SYT12: variants seen among roughly 807,000 people sequenced by gnomAD.
The protein encoded by SYT12 is synaptotagmin-12.
SYT12 carries 27 observed loss-of-function variants against 39.5 expected under a neutral mutation model. The ratio of observed to expected loss-of-function variants is 0.68; its 90% CI spans 0.50 to 0.94. The LOEUF is 0.94. Among genes scored for constraint, SYT12 ranks in the 40% least tolerant of loss-of-function variants. The probability of loss-of-function intolerance (pLI) is 0.00; values close to 1 mark genes in which losing one functional copy is unlikely to be tolerated. For missense variants in SYT12, 536 were observed against 572.6 expected (o/e 0.94, Z 0.65); for synonymous variants, 233 against 239.7 (o/e 0.97, Z 0.26).
chr11:67,010,228 T>C (rs1167244732), intron 2 of SYT12: 2 of 152,396 alleles, frequency 1.3e-5, no homozygotes, highest in Non-Finnish European at 2.9e-5. Context: ...AACTGAGTCC[T>C]AGGGATTACC....
chr11:67,035,671 A>G (rs555875199), intron 3 of SYT12, among the ~76,000 whole-genome samples: 3 of 150,514 alleles, frequency 2.0e-5, no homozygotes, highest in African/African-American at 7.3e-5. Context: ...GTTAGCCAGG[A>G]TGGTCTCGAT....
rs1336054862 is a variant in SYT12, at chr11:67,044,612, A to T, written c.857A>T (p.Glu286Val). ...DQNKAADAVG[E>V]ILLSLSYLPT... ...CCCCAGGCCGCCGATGCTGTGGGGG[A>T]GATCCTGCTCTCCCTCAGCTACCTC... is the stretch of plus-strand genomic sequence containing the variant. The change falls in exon 6 of 8, where the codon GAG (glutamate) becomes GTG (valine). Residue 286 changes from glutamate to valine, a missense_variant. Transcript: ENST00000527043. 6.8e-6 allele frequency: 11 copies of T among 1,612,686 alleles called. No individual in the cohort carries two copies. Among genetic ancestry groups the T allele is most frequent in the Non-Finnish European group, 8.5e-7 (1 of 1,179,744 alleles).
At position 67,040,042 on chromosome 11, in the gene SYT12, G is replaced by A; in HGVS notation, c.460G>A (p.Gly154Ser). 6.2e-7 allele frequency: 1 copy of A among 1,613,972 alleles called. No homozygotes were observed. The highest frequency in any genetic ancestry group is 8.5e-7 in the Non-Finnish European group (1 of 1,180,024). ...CACCTTTGGGCAGGACTTCACACTGGGCCAGGTGGAGGTGAGCATGGAGTA... is the reference window on the plus strand; with the variant it reads ...CACCTTTGGGCAGGACTTCACACTGAGCCAGGTGGAGGTGAGCATGGAGTA... ...SNTFGQDFTL[G>S]QVEVSMEYDT... Residue 154 changes from glycine (G) to serine (S), a missense_variant, in exon 4 of 8, where the codon GGC (glycine) becomes AGC (serine). Physicochemically the swap from Gly to Ser is moderately conservative, Grantham distance 56. Coordinates refer to ENST00000527043, the MANE Select transcript of SYT12 (RefSeq NM_177963.4).
chr11:67,045,063 G>C (rs1174898083), intron 6 of SYT12, among the ~76,000 whole-genome samples: 1 of 152,062 alleles, frequency 6.6e-6, no homozygotes, highest in Admixed American at 6.6e-5. Flanking sequence ...GGAATTCATG[G>C]TGGAGACTCC....
chr11:67,012,638 G>T (rs138400202), intron 3 of SYT12, among the ~76,000 whole-genome samples: 60 of 152,304 alleles, frequency 3.9e-4, no homozygotes, highest in African/African-American at 1.4e-3. Flanking sequence ...CGAGGCAAAA[G>T]AACCTTGAAG....
intron 2 of SYT12, among the ~76,000 whole-genome samples, chr11:67,033,096 G>A (rs1287641309): frequency 6.6e-5 from 10 of 152,040 alleles, no homozygotes; most frequent in Admixed American, 3.3e-4. Flanking sequence ...CTGTGTGGCC[G>A]GGCTTCAGGG....
chr11:67,034,565 T>G (rs1437672214), intron 2 of SYT12, 80 bp from the exon 3 acceptor site: 1 of 1,296,678 alleles, frequency 7.7e-7, no homozygotes, highest in Non-Finnish European at 1.1e-6. Flanking sequence ...ATCCATTCAA[T>G]GTAGAAGTCG....
chr11:67,007,955 C>CT lies in SYT12; in HGVS notation c.-485+516dup, dbSNP rs747885357. On this transcript the variant is annotated intron_variant, in intron 1 of 10. Transcript: ENST00000393946. ...CTTCCTGATCCTGAGGAAGCCCTAA[C>CT]TTTTTTTTTTTTTTTTAAGACAGAG... 3.4e-3 allele frequency among the ~76,000 whole-genome samples: 463 copies of CT among 137,044 alleles called. 6 individuals carry two copies. In the East Asian group the frequency reaches 0.036, roughly 11 times the overall value. 89.9% of individuals were successfully genotyped at this position (137,044 alleles called of 152,430 possible). A position where few individuals can be genotyped will look rare whatever the true frequency, so the allele number is the denominator to read the frequency against.
Position 67,034,844 on chromosome 11 carries a change from G to T in SYT12, c.228+6G>T. ...GCGCAGAGGCCAGGGAGAAGGTGAGGCTTCTGCTCCTGCAGGTGCACAGCG... is the reference window on the plus strand; with the variant it reads ...GCGCAGAGGCCAGGGAGAAGGTGAGTCTTCTGCTCCTGCAGGTGCACAGCG... On this transcript the variant is annotated splice_donor_region_variant and intron_variant, in intron 3 of 7. Coordinates refer to ENST00000527043, the MANE Select transcript of SYT12 (RefSeq NM_177963.4). 7 of 1,526,424 alleles carry T rather than the reference G, an allele frequency of 4.6e-6. No individual in the cohort carries two copies. The highest frequency in any genetic ancestry group is 6.1e-6 in the Non-Finnish European group (7 of 1,141,920). The allele number at this position is 1,526,424 out of a possible 1,614,324, so 94.6% of individuals were successfully genotyped here.
chr11:67,046,083 G>T (rs1261037378), intron 7 of SYT12, among the ~76,000 whole-genome samples: 2 of 151,920 alleles, frequency 1.3e-5, no homozygotes, highest in Non-Finnish European at 2.9e-5. Flanking sequence ...GCTCACAAGG[G>T]ACAGGCAGGA....
At chr11:67,032,307 G>T (rs1443265905) in intron 2 of SYT12, 2 of 152,168 alleles carry the variant, frequency 1.3e-5, no homozygotes, top group African/African-American at 2.4e-5. Context: ...TGGCCCCCTC[G>T]GTGGGACCTT....
chr11:67,047,226 A>G (rs1463655176), intron 7 of SYT12, among the ~76,000 whole-genome samples: 2 of 151,428 alleles, frequency 1.3e-5, no homozygotes, highest in African/African-American at 4.9e-5. Context: ...CGGCCTTCCA[A>G]AGTGCTGGGA....
intron 7 of SYT12, among the ~76,000 whole-genome samples, chr11:67,047,381 C>T (rs2136235642): frequency 6.7e-6 from 1 of 150,248 alleles, no homozygotes; most frequent in Admixed American, 6.7e-5. Context: ...GATTCTCCTG[C>T]CTCAGCCTCC....
chr11:67,015,833 C>T (rs962681569), intron 3 of SYT12, among the ~76,000 whole-genome samples: 3 of 152,130 alleles, frequency 2.0e-5, no homozygotes, highest in Non-Finnish European at 2.9e-5. Flanking sequence ...GCAGGAGGGT[C>T]CACAGCCTCT....
chr11:67,043,772 G>C lies in SYT12; in HGVS notation c.756G>C (p.Gly252=), dbSNP rs1171327448. 1 of 1,614,158 alleles carries C rather than the reference G, an allele frequency of 6.2e-7. No individual in the cohort carries two copies. The highest frequency in any genetic ancestry group is 2.2e-5 in the East Asian group (1 of 44,890). ...IDEDERNVST[G]VVELKLSVLD... ...AGGATGAGCGCAACGTCAGCACGGGGGTGGTGGAGCTGAAGCTTTCTGTGC... is the reference window on the plus strand; with the variant it reads ...AGGATGAGCGCAACGTCAGCACGGGCGTGGTGGAGCTGAAGCTTTCTGTGC... Residue 252 remains glycine, a synonymous_variant, in exon 5 of 8, where the codon GGG becomes GGC. Coordinates refer to ENST00000527043, the MANE Select transcript of SYT12 (RefSeq NM_177963.4).
At chr11:67,022,734 T>A (rs1170778929), upstream of SYT12, 3 of 151,902 alleles carry the variant, frequency 2.0e-5, no homozygotes, top group Non-Finnish European at 4.4e-5. Flanking sequence ...AAAAATGGAG[T>A]CACCACGACC....
At position 67,015,305 on chromosome 11, in the gene SYT12, C is replaced by T. The variant is rs1487537241; in HGVS notation, c.-69+4311C>T. 2.6e-5 allele frequency among the ~76,000 whole-genome samples: 4 copies of T among 152,356 alleles called. No homozygotes were observed. In the East Asian group the frequency reaches 7.7e-4, roughly 29 times the overall value. Reference sequence around the variant, plus strand: ...CAAGGCCAATGCTGGGAGAGCAAGTCCCTGCCACCCCTGCTGGCCTCAGCC... The same window carrying T: ...CAAGGCCAATGCTGGGAGAGCAAGTTCCTGCCACCCCTGCTGGCCTCAGCC... On this transcript the variant is annotated intron_variant, in intron 3 of 10. Coordinates refer to the SYT12 transcript ENST00000393946.
intron 2 of SYT12, chr11:67,032,876 G>T (rs1284283503): frequency 1.3e-5 from 2 of 148,598 alleles, no homozygotes; most frequent in Non-Finnish European, 2.9e-5. Flanking sequence ...TTGCACTCCA[G>T]CCTGGGCAAC....
At chr11:67,037,679 G>A (rs1950408123) in intron 3 of SYT12, among the ~76,000 whole-genome samples, 3 of 151,916 alleles carry the variant, frequency 2.0e-5, no homozygotes, top group Admixed American at 6.6e-5. Context: ...TTGGGAGTTC[G>A]AGACCAGCCT....
Sources: allele counts gnomAD v4.1 joint callset (sites outside exome capture counted in the v4.1 genomes callset), GRCh38; gene constraint gnomAD v4.1.1; transcripts MANE v1.5; gene names NCBI Gene and HGNC (gene_info 2026-07-23, HGNC 2026-07-21).